Variants in ADCY5 observed in about 807,000 individuals in gnomAD.
ADCY5 encodes the protein adenylate cyclase 5.
A neutral mutation model predicts 119.7 loss-of-function variants in ADCY5; 30 were observed. The ratio of observed to expected loss-of-function variants is 0.25; its 90% CI spans 0.19 to 0.34. The LOEUF (loss-of-function observed/expected upper bound fraction) is 0.34. Ranked by LOEUF, ADCY5 falls within the 10% of genes least tolerant of loss-of-function variation. ADCY5 has a pLI of 1.00. For missense variants in ADCY5, 1,324 were observed against 1,775.2 expected (o/e 0.75, Z 4.57); for synonymous variants, 753 against 762.2 (o/e 0.99, Z 0.20).
chr3:123,407,231 C>A (rs1249975454), intron 1 of ADCY5, among the ~76,000 whole-genome samples: 1 of 152,096 alleles, frequency 6.6e-6, no homozygotes, highest in Non-Finnish European at 1.5e-5. Context: ...AGCCTCCCCA[C>A]AGGCCATGCC....
Position 123,347,788 on chromosome 3 carries a change from T to C in ADCY5, c.1400A>G (p.Asn467Ser). ...CCCCCAGCTTCACCCCTACCTCACG[T>C]TGTCATGTTTCTGGATGTAAATCTT... ...FHKIYIQKHD[N>S]VSILFADIEG... Residue 467 changes from asparagine (N) to serine (S), a missense_variant, in exon 3 of 21, where the codon AAC becomes AGC. Physicochemically the swap from Asn to Ser is conservative, Grantham distance 46. Around this residue, in one of 6 missense-constraint regions of ADCY5, gnomAD observed 123 missense variants for 287.9 expected, o/e 0.43. Coordinates refer to ENST00000462833, the MANE Select transcript of ADCY5 (RefSeq NM_183357.3). 6 of 1,614,068 alleles carry C rather than the reference T, an allele frequency of 3.7e-6. No homozygotes were observed. The highest frequency in any genetic ancestry group is 1.7e-5 in the Admixed American group (1 of 60,020).
In ADCY5 at chr3:123,342,094, C is replaced by T. The variant is rs145111548; in HGVS notation, c.1406+5688G>A. ...TACAAGTATGAACCATCGTGGCCGG[C>T]CCAGAATACTTTTCTTCATGTCAGG... On this transcript the variant is annotated intron_variant, in intron 3 of 20. Transcript: ENST00000462833. Among the ~76,000 whole-genome samples, 20 of 152,200 alleles carry T rather than the reference C, an allele frequency of 1.3e-4. No individual in the cohort carries two copies. In the East Asian group the frequency reaches 3.9e-3, roughly 29 times the overall value.
At chr3:123,394,912 A>G (rs1293399039) in intron 1 of ADCY5, among the ~76,000 whole-genome samples, 1 of 152,242 alleles carries the variant, frequency 6.6e-6, no homozygotes, top group Non-Finnish European at 1.5e-5. Flanking sequence ...AGGAAGAATT[A>G]TAATAATAAA....
intron 12 of ADCY5, among the ~76,000 whole-genome samples, chr3:123,308,654 C>T (rs982320774): frequency 1.2e-4 from 19 of 152,012 alleles, no homozygotes; most frequent in Admixed American, 1.0e-3. Context: ...AAGGTGAAAC[C>T]ATGTCTCTAC....
intron 1 of ADCY5, among the ~76,000 whole-genome samples, chr3:123,386,319 G>T (rs1354111732): frequency 6.6e-6 from 1 of 152,158 alleles, no homozygotes; most frequent in Non-Finnish European, 1.5e-5. Flanking sequence ...CCGAGGCCCA[G>T]TGAGAGAGAC....
chr3:123,390,573 A>G (rs1033829922), intron 1 of ADCY5, among the ~76,000 whole-genome samples: 4 of 152,248 alleles, frequency 2.6e-5, no homozygotes, highest in African/African-American at 9.6e-5. Context: ...TAGATTTTTC[A>G]GAGGCCCAAA....
intron 1 of ADCY5, among the ~76,000 whole-genome samples, chr3:123,437,916 T>C (rs1191447017): frequency 1.3e-5 from 2 of 152,198 alleles, no homozygotes; most frequent in African/African-American, 4.8e-5. Flanking sequence ...AAGGAGGCAT[T>C]CCCCAGTCCC....
intron 1 of ADCY5, among the ~76,000 whole-genome samples, chr3:123,427,459 T>C (rs1051337767): frequency 6.6e-6 from 1 of 152,192 alleles, no homozygotes; most frequent in African/African-American, 2.4e-5. Flanking sequence ...TTTAGTCTCT[T>C]GCCACCATGC....
intron 4 of ADCY5, among the ~76,000 whole-genome samples, chr3:123,331,907 G>A (rs1415415658): frequency 6.6e-6 from 1 of 152,178 alleles, no homozygotes; most frequent in African/African-American, 2.4e-5. Context: ...CAATAACCCG[G>A]CCTGGCGTCC....
At chr3:123,447,135 C>A (rs1213529516) in intron 1 of ADCY5, among the ~76,000 whole-genome samples, 1 of 151,936 alleles carries the variant, frequency 6.6e-6, no homozygotes, top group African/African-American at 2.4e-5. Context: ...TCTCCTCCAA[C>A]CTTCCTCACT....
chr3:123,364,711 A>C (rs772719726), intron 1 of ADCY5, among the ~76,000 whole-genome samples: 17 of 152,332 alleles, frequency 1.1e-4, no homozygotes, highest in South Asian at 2.1e-4. Flanking sequence ...AAAAATAAAA[A>C]GTATATTCAT....
intron 2 of ADCY5, among the ~76,000 whole-genome samples, chr3:123,348,423 C>A (rs1463807872): frequency 6.6e-6 from 1 of 152,146 alleles, no homozygotes; most frequent in African/African-American, 2.4e-5. Flanking sequence ...GTGAGACAGG[C>A]AAGGTTCCTC....
chr3:123,448,625 A>C lies in ADCY5; in HGVS notation c.-80T>G. The C allele has an allele frequency of 8.1e-7, 1 of 1,228,018 alleles. No individual in the cohort carries two copies. Among genetic ancestry groups the C allele is most frequent in the South Asian group, 3.3e-5 (1 of 29,986 alleles). 76.1% of individuals were successfully genotyped at this position (1,228,018 alleles called of 1,614,324 possible). A position where few individuals can be genotyped will look rare whatever the true frequency, so the allele number is the denominator to read the frequency against. The stretch of plus-strand genomic sequence containing the variant: ...TCTCCAAGGGGAGGGCGGACGGCCG[A>C]GCAGGGGGACCAGGCTAGGGTCACA... On this transcript the variant is annotated 5_prime_UTR_variant, in exon 1 of 21. Coordinates refer to ENST00000462833, the MANE Select transcript of ADCY5 (RefSeq NM_183357.3).
At chr3:123,404,251 T>C (rs959724087) in intron 1 of ADCY5, 1 of 152,202 alleles carries the variant, frequency 6.6e-6, no homozygotes, top group African/African-American at 2.4e-5. Context: ...AAAGGCTGGT[T>C]GACAAGCACC....
In ADCY5 at chr3:123,440,792, G is replaced by A. The variant is rs546475811; in HGVS notation, c.1134+6620C>T. On this transcript the variant is annotated intron_variant, in intron 1 of 20. Transcript: ENST00000462833. ...TACTAACCTCCCCCTCAAAAGGTGA[G>A]CCACAGATTGTTTTGCCTCAAAAAG... Among the ~76,000 whole-genome samples the A allele has an allele frequency of 3.9e-5, 6 of 152,230 alleles. No individual in the cohort carries two copies. The South Asian group carries it at 8.3e-4, about 21-fold the overall frequency.
At chr3:123,328,521 G>A (rs377631025) in intron 6 of ADCY5, 123 bp downstream of exon 6, 1 of 1,200,232 alleles carries the variant, frequency 8.3e-7, no homozygotes, top group Non-Finnish European at 1.2e-6. Flanking sequence ...GCCCCCACAG[G>A]TGCTTGCTGC....
In ADCY5 at chr3:123,290,966, G is replaced by A. The variant is rs143728794; in HGVS notation, c.3327+147C>T. 19 of 1,073,298 alleles carry A rather than the reference G, an allele frequency of 1.8e-5. No homozygotes were observed. In the East Asian group the frequency reaches 2.6e-4, roughly 15 times the overall value. The allele number at this position is 1,073,298 out of a possible 1,614,324, so 66.5% of individuals were successfully genotyped here. A position where few individuals can be genotyped will look rare whatever the true frequency, so the allele number is the denominator to read the frequency against. ...TGCCCATTGCAGCACCTGGGGACAC[G>A]GTCAGGTTCCCGCCGGCAGAGCTCC... On this transcript the variant is annotated intron_variant, in intron 18 of 20. Transcript: ENST00000462833.
chr3:123,431,813 C>T lies in ADCY5; in HGVS notation c.1134+15599G>A, dbSNP rs145254716. Among the ~76,000 whole-genome samples, 19 of 152,270 alleles carry T rather than the reference C, an allele frequency of 1.2e-4. No individual in the cohort carries two copies. In the East Asian group the frequency reaches 3.7e-3, roughly 29 times the overall value. On this transcript the variant is annotated intron_variant, in intron 1 of 20. Coordinates refer to ENST00000462833, the MANE Select transcript of ADCY5 (RefSeq NM_183357.3). ...GTGGCCATCACTCCTTACTGAATCA[C>T]CACAATAAACCCCTTAGATATAAAC...
At chr3:123,393,672 A>AGGTGCTTACTACAT (rs1291975451) in intron 1 of ADCY5, among the ~76,000 whole-genome samples, 4 of 152,224 alleles carry the variant, frequency 2.6e-5, no homozygotes, top group African/African-American at 7.2e-5. Context: ...ATGGCCCGGC[A>AGGTGCTTACTACAT]GGTGCTTACT....
Sources: allele counts gnomAD v4.1 joint callset (sites outside exome capture counted in the v4.1 genomes callset), GRCh38; gene constraint gnomAD v4.1.1; regional missense constraint gnomAD v4.1.1; transcripts MANE v1.5; gene names NCBI Gene and HGNC (gene_info 2026-07-23, HGNC 2026-07-21).